The following DPP6 variants were observed in gnomAD, a reference collection of about 807,000 sequenced individuals.
The protein encoded by DPP6 is dipeptidyl peptidase like 6, also known as A-type potassium channel modulatory protein DPP6.
In DPP6, 69 loss-of-function variants were observed where a neutral mutation model predicts 122.6. The ratio of observed to expected loss-of-function variants is 0.56; its 90% confidence interval spans 0.46 to 0.69. The LOEUF is 0.69. Ranked by LOEUF, DPP6 falls within the 30% of genes least tolerant of loss-of-function variation. The pLI is 0.00. For missense variants in DPP6, 928 were observed against 1,116.9 expected (o/e 0.83, Z 2.41); for synonymous variants, 418 against 433.1 (o/e 0.97, Z 0.43).
the DPP6 span, among the ~76,000 whole-genome samples, chr7:153,864,719 A>G: frequency 7.5e-6 from 1 of 133,006 alleles, no homozygotes; most frequent in Non-Finnish European, 1.6e-5. Context: ...ACACACACAC[A>G]CACGTGCTTG....
intron 3 of DPP6, among the ~76,000 whole-genome samples, chr7:154,494,835 C>A (rs1824590046): frequency 6.6e-6 from 1 of 152,120 alleles, no homozygotes; most frequent in Non-Finnish European, 1.5e-5. Context: ...AAAAATAAAT[C>A]AGGCATGTAT....
chr7:154,864,465 C>T (rs1375072470), intron 17 of DPP6, among the ~76,000 whole-genome samples: 1 of 152,196 alleles, frequency 6.6e-6, no homozygotes. Context: ...TTAGAGGGGG[C>T]TCACATTTAA....
At chr7:154,546,478 G>A (rs76458768) in intron 4 of DPP6, among the ~76,000 whole-genome samples, 1 of 137,924 alleles carries the variant, frequency 7.3e-6, no homozygotes, top group African/African-American at 2.8e-5. Flanking sequence ...GAGAAAATAA[G>A]TCGATTATTT....
chr7:154,583,183 C>G (rs1252588762), intron 5 of DPP6, among the ~76,000 whole-genome samples: 5 of 152,254 alleles, frequency 3.3e-5, no homozygotes, highest in Non-Finnish European at 5.9e-5. Flanking sequence ...TGGCAAAATA[C>G]CACAGACTGG....
At chr7:154,684,948 A>G (rs1437779760) in intron 7 of DPP6, among the ~76,000 whole-genome samples, 2 of 152,234 alleles carry the variant, frequency 1.3e-5, no homozygotes, top group African/African-American at 4.8e-5. Flanking sequence ...ACTGCATGAC[A>G]AGATTAGTTG....
At chr7:154,664,051 G>T (rs148671866) in intron 6 of DPP6, among the ~76,000 whole-genome samples, 3 of 102,014 alleles carry the variant, frequency 2.9e-5, no homozygotes, top group Non-Finnish European at 7.3e-5. Context: ...TGGCATATCG[G>T]CCGTAGTGTT....
intron 1 of DPP6, among the ~76,000 whole-genome samples, chr7:154,232,305 G>A (rs1339327781): frequency 6.6e-6 from 1 of 152,176 alleles, no homozygotes; most frequent in Non-Finnish European, 1.5e-5. Context: ...AAACACAAGA[G>A]CCCAGAAACA....
At position 154,715,145 on chromosome 7, in the gene DPP6, C is replaced by A. The variant is rs976723350; in HGVS notation, c.763-12622C>A. Among the ~76,000 whole-genome samples the A allele has an allele frequency of 5.3e-4, 80 of 152,234 alleles. 1 individual carries two copies. The highest frequency in any genetic ancestry group is 4.7e-3 in the Admixed American group (72 of 15,284). The stretch of plus-strand genomic sequence containing the variant: ...GCCATGGCACGGTCTCAACTCACTG[C>A]AACCTCTGCCTCCCAGGTTCAAGTG... On this transcript the variant is annotated intron_variant, in intron 7 of 25. Transcript: ENST00000377770.
chr7:153,838,132 T>G, the DPP6 span, among the ~76,000 whole-genome samples: 1 of 152,110 alleles, frequency 6.6e-6, no homozygotes, highest in Non-Finnish European at 1.5e-5. Context: ...GAAAAAAATG[T>G]GTCTACACGT....
At chr7:154,186,028 C>T (rs1798337960) in intron 1 of DPP6, among the ~76,000 whole-genome samples, 1 of 152,154 alleles carries the variant, frequency 6.6e-6, no homozygotes, top group Admixed American at 6.5e-5. Flanking sequence ...ATTGGGAAAA[C>T]CAGCCATATT....
intron 1 of DPP6, among the ~76,000 whole-genome samples, chr7:154,420,326 G>A (rs1036275148): frequency 1.3e-5 from 2 of 152,136 alleles, no homozygotes; most frequent in Admixed American, 6.5e-5. Context: ...ACAACAGCTA[G>A]AAGAGAGAAG....
At chr7:154,392,051 A>G (rs748979028) in intron 1 of DPP6, among the ~76,000 whole-genome samples, 8 of 152,196 alleles carry the variant, frequency 5.3e-5, no homozygotes, top group Non-Finnish European at 8.8e-5. Flanking sequence ...AGGCAGGCAG[A>G]TCAGTTGAGC....
chr7:154,171,571 G>A (rs1797535179), intron 1 of DPP6, among the ~76,000 whole-genome samples: 1 of 152,108 alleles, frequency 6.6e-6, no homozygotes, highest in Non-Finnish European at 1.5e-5. Context: ...CACTTCAAGG[G>A]CTCACATGCA....
intron 5 of DPP6, among the ~76,000 whole-genome samples, chr7:154,594,208 A>G (rs1832959499): frequency 6.6e-6 from 1 of 152,186 alleles, no homozygotes; most frequent in Non-Finnish European, 1.5e-5. Context: ...TAAGTGGATT[A>G]TGGATGGAAA....
the DPP6 span, among the ~76,000 whole-genome samples, chr7:153,838,366 T>C: frequency 6.6e-6 from 1 of 152,106 alleles, no homozygotes. Context: ...TGTGTTTCAG[T>C]GGAGATTTCA....
At chr7:153,784,049 G>A in the DPP6 span, among the ~76,000 whole-genome samples, 1 of 146,452 alleles carries the variant, frequency 6.8e-6, no homozygotes, top group South Asian at 2.1e-4. Context: ...CCCTATACAT[G>A]TTGGTTTGCC....
intron 16 of DPP6, among the ~76,000 whole-genome samples, chr7:154,824,233 T>C (rs1239234703): frequency 4.0e-5 from 6 of 149,108 alleles, no homozygotes; most frequent in Non-Finnish European, 8.9e-5. Context: ...AGATAACTTA[T>C]TCCTTAAGGA....
At chr7:154,550,895 C>T (rs920922698) in intron 4 of DPP6, among the ~76,000 whole-genome samples, 31 of 151,928 alleles carry the variant, frequency 2.0e-4, no homozygotes, top group Admixed American at 7.9e-4. Context: ...GGATTACAGG[C>T]GAGTGCCACC....
intron 1 of DPP6, among the ~76,000 whole-genome samples, chr7:154,015,164 C>T (rs546618143): frequency 6.6e-6 from 1 of 152,016 alleles, no homozygotes; most frequent in East Asian, 1.9e-4. Context: ...ACTTTTATGG[C>T]CTTTATCTAA....
Sources: allele counts gnomAD v4.1 joint callset (sites outside exome capture counted in the v4.1 genomes callset), GRCh38; gene constraint gnomAD v4.1.1; transcripts MANE v1.5; gene names NCBI Gene and HGNC (gene_info 2026-07-23, HGNC 2026-07-21).